The following TACC2 variants were observed in gnomAD, a reference collection of about 807,000 sequenced individuals.
TACC2 encodes the protein transforming acidic coiled-coil containing protein 2.
A neutral mutation model predicts 227.3 loss-of-function variants in TACC2; 137 were observed. The observed-to-expected ratio is 0.60, with a 90% confidence interval of 0.52 to 0.69. TACC2 has a LOEUF of 0.69. Among genes scored for constraint, TACC2 ranks in the 30% least tolerant of loss-of-function variants. TACC2 has a pLI of 0.00. For missense variants in TACC2, 3,470 were observed against 3,694.4 expected (o/e 0.94, Z 1.57); for synonymous variants, 1,523 against 1,487.5 (o/e 1.02, Z -0.55).
In TACC2 at chr10:122,084,972, A is replaced by G. The variant is rs1172111754; in HGVS notation, c.2472A>G (p.Leu824=). Reference sequence around the variant, plus strand: ...GAGCTGCATCCGAGTGGCCCCTACTATCTTCTGAGAAGCATCTCCAGCCAT... The same window carrying G: ...GAGCTGCATCCGAGTGGCCCCTACTGTCTTCTGAGAAGCATCTCCAGCCAT... ...IRGAASEWPL[L]SSEKHLQPSQ... is the part of the protein sequence containing the mutation. The change falls in exon 4 of 23, where the codon CTA becomes CTG. Residue 824 remains leucine (L), a synonymous_variant. Coordinates refer to ENST00000369005, the MANE Select transcript of TACC2 (RefSeq NM_206862.4). The G allele has an allele frequency of 1.3e-5, 21 of 1,614,014 alleles. No individual in the cohort carries two copies. Among genetic ancestry groups the G allele is most frequent in the Middle Eastern group, 1.6e-4 (1 of 6,084 alleles).
chr10:122,203,975 G>A (rs1447451808), intron 8 of TACC2, among the ~76,000 whole-genome samples: 1 of 151,636 alleles, frequency 6.6e-6, no homozygotes, highest in Non-Finnish European at 1.5e-5. Flanking sequence ...GGCCAACACA[G>A]CGAAACCCTG....
chr10:122,032,958 TCAACAAAA>T (rs1959165434), intron 2 of TACC2: 10 of 489,212 alleles, frequency 2.0e-5, no homozygotes, highest in South Asian at 1.6e-4. Flanking sequence ...AGACTCTGTC[TCAACAAAA>T]CAACAAAACA....
intron 3 of TACC2, among the ~76,000 whole-genome samples, chr10:122,062,478 T>TTC: frequency 3.8e-4 from 1 of 2,608 alleles, no homozygotes; most frequent in Non-Finnish European, 0.021. Flanking sequence ...TAATTTTGAA[T>TTC]TTTTTTTTTT....
intron 8 of TACC2, among the ~76,000 whole-genome samples, chr10:122,204,718 G>A (rs981372263): frequency 1.3e-5 from 2 of 152,118 alleles, no homozygotes; most frequent in African/African-American, 4.8e-5. Context: ...AGTTTGGCTA[G>A]CCACTTAGGA....
intron 7 of TACC2, among the ~76,000 whole-genome samples, chr10:122,174,097 C>T (rs893747540): frequency 3.9e-5 from 6 of 152,212 alleles, no homozygotes; most frequent in Admixed American, 1.3e-4. Context: ...TCCAAGGGTT[C>T]TTTGTCCTGA....
chr10:122,141,057 AAGG>A lies in TACC2; in HGVS notation c.5700-2511_5700-2509del, dbSNP rs1239481687. On this transcript the variant is annotated intron_variant, in intron 6 of 22. Coordinates refer to ENST00000369005, the MANE Select transcript of TACC2 (RefSeq NM_206862.4). The surrounding 1 kb of genome is among the most constrained non-coding windows in gnomAD (Gnocchi z 4.3). ...CAGAGAGGGCAGATTCCAGAAGGAG[AAGG>A]AGGTGACTCAGCAGGAAGGGGTGAT... is the stretch of plus-strand genomic sequence containing the variant. Among the ~76,000 whole-genome samples, 1 of 152,086 alleles carries A rather than the reference AAGG, an allele frequency of 6.6e-6. No homozygotes were observed. The highest frequency in any genetic ancestry group is 1.5e-5 in the Non-Finnish European group (1 of 68,012).
chr10:122,233,727 A>C (rs2095803295), intron 16 of TACC2, among the ~76,000 whole-genome samples: 1 of 152,064 alleles, frequency 6.6e-6, no homozygotes, highest in African/African-American at 2.4e-5. Flanking sequence ...CCAGCTCGCG[A>C]GCGCCTGTGT....
At chr10:122,164,426 G>A (rs1243931131) in intron 7 of TACC2, among the ~76,000 whole-genome samples, 1 of 152,244 alleles carries the variant, frequency 6.6e-6, no homozygotes, top group African/African-American at 2.4e-5. Flanking sequence ...CAGATGGCGT[G>A]GTGCGCTCTG....
At chr10:122,151,282 C>A (rs530622797) in intron 7 of TACC2, among the ~76,000 whole-genome samples, 1 of 152,320 alleles carries the variant, frequency 6.6e-6, no homozygotes, top group East Asian at 1.9e-4. Context: ...CTGACTCTGC[C>A]TGGAGAAGTT....
At chr10:122,166,277 G>A (rs2093157836) in intron 7 of TACC2, among the ~76,000 whole-genome samples, 1 of 152,214 alleles carries the variant, frequency 6.6e-6, no homozygotes, top group Admixed American at 6.5e-5. Flanking sequence ...GGATTTGGAA[G>A]TGACTGAAGG....
At chr10:122,012,184 G>A (rs1277230634) in intron 1 of TACC2, among the ~76,000 whole-genome samples, 1 of 152,034 alleles carries the variant, frequency 6.6e-6, no homozygotes, top group Admixed American at 6.6e-5. Flanking sequence ...CACTTTGGGA[G>A]GCCAAGGCGG....
At chr10:122,164,177 C>G (rs1266406190) in intron 7 of TACC2, among the ~76,000 whole-genome samples, 4 of 152,218 alleles carry the variant, frequency 2.6e-5, no homozygotes, top group Non-Finnish European at 4.4e-5. Flanking sequence ...CCCCAAGTTA[C>G]TGCTGTGGGC....
chr10:122,081,482 C>T (rs554430486), intron 3 of TACC2, among the ~76,000 whole-genome samples: 4 of 147,204 alleles, frequency 2.7e-5, no homozygotes, highest in South Asian at 2.2e-4. Flanking sequence ...GAGCCGAGAT[C>T]GCACCACTGC....
intron 1 of TACC2, among the ~76,000 whole-genome samples, chr10:122,002,182 T>G (rs1280765427): frequency 6.6e-6 from 1 of 152,178 alleles, no homozygotes; most frequent in Non-Finnish European, 1.5e-5. Flanking sequence ...CTCAAGTATC[T>G]TCTTACAAGG....
chr10:122,048,063 C>A (rs2075237110), intron 2 of TACC2, among the ~76,000 whole-genome samples: 1 of 152,214 alleles, frequency 6.6e-6, no homozygotes, highest in Non-Finnish European at 1.5e-5. Flanking sequence ...AGGTCAAGGA[C>A]TACAGCCCAT....
At chr10:122,078,447 C>A (rs896226706) in intron 3 of TACC2, among the ~76,000 whole-genome samples, 2 of 152,084 alleles carry the variant, frequency 1.3e-5, no homozygotes, top group Non-Finnish European at 2.9e-5. Context: ...TCTGCTCAGA[C>A]CTTGGTTGTG....
intron 3 of TACC2, among the ~76,000 whole-genome samples, chr10:122,059,062 TG>T (rs1328783202): frequency 0.012 from 1,070 of 86,664 alleles, 78 homozygotes; most frequent in Middle Eastern, 0.013. Context: ...CTGGCTAATT[TG>T]TTGTTGTTGT....
intron 8 of TACC2, among the ~76,000 whole-genome samples, chr10:122,203,657 G>A (rs1404799067): frequency 1.3e-5 from 2 of 150,734 alleles, no homozygotes; most frequent in Admixed American, 6.6e-5. Context: ...GGGAAGAGAC[G>A]CTCCTCACTT....
chr10:122,240,123 A>G (rs542634099), intron 18 of TACC2, among the ~76,000 whole-genome samples: 20 of 152,198 alleles, frequency 1.3e-4, no homozygotes, highest in South Asian at 4.2e-4. Context: ...ACTGCCTCTT[A>G]GGGTCATTGT....
Sources: gnomAD v4.1 joint callset for allele counts (sites outside exome capture counted in the v4.1 genomes callset) on GRCh38, gnomAD v4.1.1 for gene constraint, Gnocchi (gnomAD v3.1) non-coding constraint, MANE v1.5 for transcripts, NCBI Gene and HGNC (gene_info 2026-07-23, HGNC 2026-07-21) for gene names.